Variants in MBNL1 observed in about 807,000 individuals in gnomAD.
MBNL1 encodes the protein muscleblind like splicing regulator 1, also known as muscleblind-like protein 1.
A neutral mutation model predicts 42.2 loss-of-function variants in MBNL1; 8 were observed. The ratio of observed to expected loss-of-function variants is 0.19; its 90% CI spans 0.11 to 0.34. MBNL1 has a LOEUF of 0.34. MBNL1 is among the 10% of genes least tolerant of loss of function. MBNL1 has a pLI of 1.00. For missense variants in MBNL1, 309 were observed against 495.3 expected (o/e 0.62, Z 3.57); for synonymous variants, 169 against 173.9 (o/e 0.97, Z 0.22).
At chr3:152,260,595 C>T (rs528929568) in intron 2 of MBNL1, among the ~76,000 whole-genome samples, 1 of 152,268 alleles carries the variant, frequency 6.6e-6, no homozygotes, top group Admixed American at 6.5e-5. Context: ...TGGCCAAGGA[C>T]ACACTTTATC....
At chr3:152,408,480 T>C (rs2098487331) in intron 2 of MBNL1, among the ~76,000 whole-genome samples, 1 of 152,146 alleles carries the variant, frequency 6.6e-6, no homozygotes, top group Non-Finnish European at 1.5e-5. Context: ...GTTTTGAATT[T>C]GTAACACAAG....
At chr3:152,423,292 A>G (rs1360176294) in intron 3 of MBNL1, among the ~76,000 whole-genome samples, 3 of 152,266 alleles carry the variant, frequency 2.0e-5, no homozygotes, top group Non-Finnish European at 4.4e-5. Flanking sequence ...AGCAGAGAAT[A>G]CTATAAACAC....
At chr3:152,455,396 T>C (rs1015492772) in intron 6 of MBNL1, 146 bp from the exon 7 acceptor site, 14 of 676,538 alleles carry the variant, frequency 2.1e-5, no homozygotes, top group African/African-American at 1.4e-4. Context: ...TATGATTTGA[T>C]TGTGCTGACA....
At chr3:152,459,832 G>A (rs1224971911) in intron 9 of MBNL1, among the ~76,000 whole-genome samples, 1 of 151,480 alleles carries the variant, frequency 6.6e-6, no homozygotes, top group Non-Finnish European at 1.5e-5. Flanking sequence ...TGGCCCACAG[G>A]CAGTAGTTTG....
intron 1 of MBNL1, among the ~76,000 whole-genome samples, chr3:152,283,440 T>C (rs2049718619): frequency 1.3e-5 from 2 of 152,200 alleles, no homozygotes; most frequent in South Asian, 4.1e-4. Context: ...AACAAGTACT[T>C]ATGATGAAAT....
intron 2 of MBNL1, among the ~76,000 whole-genome samples, chr3:152,352,756 G>A (rs1012921195): frequency 1.3e-5 from 2 of 152,120 alleles, no homozygotes; most frequent in Non-Finnish European, 2.9e-5. Flanking sequence ...GTCATTTACT[G>A]ACCTGAGTCC....
intron 2 of MBNL1, among the ~76,000 whole-genome samples, chr3:152,389,921 G>A (rs1442037772): frequency 1.3e-5 from 2 of 151,732 alleles, no homozygotes; most frequent in African/African-American, 4.8e-5. Flanking sequence ...TGTTGCCCAG[G>A]CTGGACTGCA....
intron 2 of MBNL1, among the ~76,000 whole-genome samples, chr3:152,363,095 A>G (rs2096099971): frequency 1.3e-5 from 2 of 152,222 alleles, no homozygotes; most frequent in African/African-American, 4.8e-5. Flanking sequence ...AATAGGAGAA[A>G]TAGAATTGCA....
chr3:152,459,961 G>T lies in MBNL1; in HGVS notation c.*18+616G>T, dbSNP rs1255674878. 5.7e-5 allele frequency among the ~76,000 whole-genome samples: 8 copies of T among 140,154 alleles called. No individual in the cohort carries two copies. In the Admixed American group the frequency reaches 5.9e-4, roughly 10 times the overall value. The allele number at this position is 140,154 out of a possible 152,430, so 91.9% of individuals were successfully genotyped here. On this transcript the variant is annotated intron_variant, in intron 9 of 9. Transcript: ENST00000324210. ...CCACCATACACAGGGGCATTAGAAT[G>T]TAATGAGTTTGGCTAAGCGTGGTGG...
chr3:152,335,241 A>G (rs1209533776), intron 2 of MBNL1: 3 of 1,289,652 alleles, frequency 2.3e-6, no homozygotes, highest in Non-Finnish European at 3.0e-6. Flanking sequence ...GTGAGTGAAT[A>G]AGGCAATTGG....
At chr3:152,313,030 T>TG (rs1361169991) in intron 2 of MBNL1, among the ~76,000 whole-genome samples, 1 of 151,912 alleles carries the variant, frequency 6.6e-6, no homozygotes, top group East Asian at 1.9e-4. Flanking sequence ...TGAAAACTTT[T>TG]TTTTTTTTTT....
chr3:152,335,318 G>A, intron 2 of MBNL1: 2 of 1,219,556 alleles, frequency 1.6e-6, no homozygotes, highest in Non-Finnish European at 2.2e-6. Flanking sequence ...GACATCCATG[G>A]GAAATGGCTT....
intron 2 of MBNL1, among the ~76,000 whole-genome samples, chr3:152,314,479 G>T (rs1293765682): frequency 6.6e-6 from 1 of 151,856 alleles, no homozygotes; most frequent in Non-Finnish European, 1.5e-5. Flanking sequence ...GGGTTGAAGC[G>T]ATTCTCCTGC....
intron 1 of MBNL1, among the ~76,000 whole-genome samples, chr3:152,291,709 A>G (rs2056108685): frequency 6.6e-6 from 1 of 152,238 alleles, no homozygotes; most frequent in African/African-American, 2.4e-5. Context: ...TGATAAGCAG[A>G]TAGCGAGATA....
intron 9 of MBNL1, among the ~76,000 whole-genome samples, chr3:152,460,534 C>G (rs1345886683): frequency 6.7e-6 from 1 of 149,736 alleles, no homozygotes; most frequent in African/African-American, 2.5e-5. Context: ...TTAGTGGGTG[C>G]AGCGCACCAG....
chr3:152,444,779 A>T (rs1395994804), intron 4 of MBNL1, among the ~76,000 whole-genome samples: 2 of 152,126 alleles, frequency 1.3e-5, no homozygotes, highest in East Asian at 1.9e-4. Flanking sequence ...ACTTTGGGAG[A>T]GTACTAGTCG....
chr3:152,329,526 G>A (rs2082682914), intron 2 of MBNL1, among the ~76,000 whole-genome samples: 3 of 151,420 alleles, frequency 2.0e-5, no homozygotes, highest in South Asian at 4.2e-4. Flanking sequence ...GTGAGCACCT[G>A]TAGTCACAGC....
rs116896740 is a variant in MBNL1, at chr3:152,381,286, A to G, written c.175-33655A>G. Among the ~76,000 whole-genome samples, 30 of 152,090 alleles carry G rather than the reference A, an allele frequency of 2.0e-4. No homozygotes were observed. The East Asian group carries it at 3.9e-3, about 20-fold the overall frequency. On this transcript the variant is annotated intron_variant, in intron 2 of 9. Coordinates refer to ENST00000324210, the MANE Select transcript of MBNL1 (RefSeq NM_021038.5). ...GTAGCAGCAGTTTATAGCTTTCCTT[A>G]TTAGACTTCTGTCTATATACTTCAG...
At chr3:152,253,293 T>C (rs572506900) in intron 2 of MBNL1, among the ~76,000 whole-genome samples, 1 of 152,024 alleles carries the variant, frequency 6.6e-6, no homozygotes, top group Non-Finnish European at 1.5e-5. Flanking sequence ...TTAATTTCAT[T>C]CTCTCTTTTC....
Sources: gnomAD v4.1 joint callset for allele counts (sites outside exome capture counted in the v4.1 genomes callset) on GRCh38, gnomAD v4.1.1 for gene constraint, MANE v1.5 for transcripts, NCBI Gene and HGNC (gene_info 2026-07-23, HGNC 2026-07-21) for gene names.